The following NR3C2 variants were observed in gnomAD, a reference collection of about 807,000 sequenced individuals.
The protein encoded by NR3C2 is mineralocorticoid receptor.
Under a neutral mutation model 86.4 loss-of-function variants are expected in NR3C2, and 15 were observed. That is an observed-to-expected ratio of 0.17 (90% CI 0.12 to 0.27). The LOEUF is 0.27. Ranked by LOEUF, NR3C2 falls within the 10% of genes least tolerant of loss-of-function variation. NR3C2 has a pLI of 1.00. For synonymous variants in NR3C2, 458 were observed against 450.5 expected (o/e 1.02, Z -0.21); for missense variants, 960 against 1,195.6 (o/e 0.80, Z 2.91).
At chr4:148,444,605 C>CCTG (rs1750500441), upstream of NR3C2, 2 of 988,634 alleles carry the variant, frequency 2.0e-6, no homozygotes, top group Admixed American at 6.1e-5. Context: ...GCCGCCGCCA[C>CCTG]CAGCAAGTCC....
intron 3 of NR3C2, among the ~76,000 whole-genome samples, chr4:148,252,153 A>T (rs1276490735): frequency 7.9e-5 from 12 of 152,252 alleles, no homozygotes; most frequent in Admixed American, 7.9e-4. Flanking sequence ...TAGAATTATC[A>T]AGAGGATTAA....
chr4:148,350,598 C>A (rs561872485), intron 2 of NR3C2, among the ~76,000 whole-genome samples: 3 of 152,094 alleles, frequency 2.0e-5, no homozygotes, highest in Non-Finnish European at 4.4e-5. Context: ...TCCTCAAATC[C>A]ATTTTTACAA....
chr4:148,273,693 G>A (rs1740809379), intron 2 of NR3C2, among the ~76,000 whole-genome samples: 1 of 152,164 alleles, frequency 6.6e-6, no homozygotes, highest in Admixed American at 6.5e-5. Context: ...GGAACACAGG[G>A]CTGAGACAGC....
chr4:148,155,043 T>C (rs2149768138), intron 4 of NR3C2, 142 bp from the exon 5 acceptor site: 1 of 708,740 alleles, frequency 1.4e-6, no homozygotes, highest in Admixed American at 2.4e-5. Context: ...TAAGAGAAAA[T>C]ATATAAAGCT....
intron 2 of NR3C2, among the ~76,000 whole-genome samples, chr4:148,374,164 G>C (rs1258519945): frequency 6.6e-6 from 1 of 152,080 alleles, no homozygotes; most frequent in Admixed American, 6.6e-5. Context: ...TATCATAAAA[G>C]AAAAATGATC....
chr4:148,345,830 T>C (rs1744962219), intron 2 of NR3C2, among the ~76,000 whole-genome samples: 2 of 152,020 alleles, frequency 1.3e-5, no homozygotes. Context: ...ACACTACACA[T>C]ATGGTAGAGC....
At chr4:148,104,394 G>A (rs1190709691) in intron 8 of NR3C2, among the ~76,000 whole-genome samples, 2 of 132,912 alleles carry the variant, frequency 1.5e-5, no homozygotes, top group Non-Finnish European at 3.1e-5. Context: ...CTCCCTTGGT[G>A]TCTTGGAAGA....
At chr4:148,169,641 T>C (rs1224182496) in intron 4 of NR3C2, among the ~76,000 whole-genome samples, 1 of 152,142 alleles carries the variant, frequency 6.6e-6, no homozygotes, top group African/African-American at 2.4e-5. Context: ...TTAATAAAAG[T>C]AATGGGATAT....
At chr4:148,212,706 T>C (rs1737340347) in intron 3 of NR3C2, among the ~76,000 whole-genome samples, 1 of 152,214 alleles carries the variant, frequency 6.6e-6, no homozygotes, top group Non-Finnish European at 1.5e-5. Context: ...AAAAGTACAT[T>C]TCAAATATTT....
At chr4:148,434,882 C>T (rs1478440995) in intron 2 of NR3C2, among the ~76,000 whole-genome samples, 1 of 152,060 alleles carries the variant, frequency 6.6e-6, no homozygotes, top group Non-Finnish European at 1.5e-5. Flanking sequence ...CTACATATGC[C>T]CCTTCAAAAT....
At chr4:148,180,771 A>G (rs373516940) in intron 4 of NR3C2, among the ~76,000 whole-genome samples, 2 of 152,072 alleles carry the variant, frequency 1.3e-5, no homozygotes, top group African/African-American at 4.8e-5. Context: ...GTTGTTATAA[A>G]TTTTCATGGC....
chr4:148,130,787 GTTT>G (rs1220936053), intron 6 of NR3C2, among the ~76,000 whole-genome samples: 1 of 128,468 alleles, frequency 7.8e-6, no homozygotes, highest in African/African-American at 3.1e-5. Context: ...CAATGAACAC[GTTT>G]TTTTTTTTGT....
chr4:148,351,506 AC>A (rs1745274525), intron 2 of NR3C2, among the ~76,000 whole-genome samples: 1 of 152,028 alleles, frequency 6.6e-6, no homozygotes, highest in Non-Finnish European at 1.5e-5. Context: ...ACCATCTATT[AC>A]TTCACCTTTC....
chr4:148,148,035 C>G (rs1471681742), intron 6 of NR3C2, among the ~76,000 whole-genome samples: 1 of 145,678 alleles, frequency 6.9e-6, no homozygotes, highest in East Asian at 2.1e-4. Context: ...CAGGACACCT[C>G]TTTAGCTTCT....
rs1734284346 is a variant in NR3C2 at position 148,154,848 on chromosome 4, G to T, written c.2068C>A (p.Gln690Lys). ...KLKGIHEEQP[Q>K]QQQPPPPPPP... is the part of the protein sequence containing the mutation. ...GGTGGGGGTGGGGGCTGCTGCTGCT[G>T]TGGCTGCTCCTCGTGAATCCCTTTT... Residue 690 changes from glutamine (Q) to lysine (K), a missense_variant, in exon 5 of 9, where the codon CAG becomes AAG. Gln to Lys is a moderately conservative substitution (Grantham distance 53). Transcript: ENST00000358102. 6.3e-7 allele frequency: 1 copy of T among 1,591,352 alleles called. No individual in the cohort carries two copies. The highest frequency in any genetic ancestry group is 1.3e-5 in the African/African-American group (1 of 74,822).
chr4:148,138,486 G>T (rs1396043101), intron 6 of NR3C2, among the ~76,000 whole-genome samples: 1 of 152,026 alleles, frequency 6.6e-6, no homozygotes, highest in African/African-American at 2.4e-5. Flanking sequence ...GGGCTCAGGT[G>T]GATCCTCCTA....
intron 2 of NR3C2, among the ~76,000 whole-genome samples, chr4:148,327,278 T>C (rs1346833613): frequency 6.6e-6 from 1 of 152,212 alleles, no homozygotes; most frequent in Non-Finnish European, 1.5e-5. Context: ...TATGTTCTTA[T>C]TGACAGAAAG....
chr4:148,101,859 C>T (rs1260207464), intron 8 of NR3C2, among the ~76,000 whole-genome samples: 2 of 147,868 alleles, frequency 1.4e-5, no homozygotes, highest in African/African-American at 2.5e-5. Flanking sequence ...TACTAAGGAG[C>T]TTTGCTGGAC....
At position 148,436,265 on chromosome 4, in the gene NR3C2, T is replaced by C; in HGVS notation, c.596A>G (p.Asn199Ser). 7 of 1,614,146 alleles carry C rather than the reference T, an allele frequency of 4.3e-6. No individual in the cohort carries two copies. Among genetic ancestry groups the C allele is most frequent in the Non-Finnish European group, 5.9e-6 (7 of 1,180,004 alleles). The change falls in exon 2 of 9, where the codon AAC (asparagine) becomes AGC (serine). Residue 199 changes from asparagine (N) to serine (S), a missense_variant. Transcript: ENST00000358102. ...EKSPSVCSPL[N>S]MTSSVCSPAG... ...AGGGCTGCAAACCGAAGATGTCATG[T>C]TCAGAGGGCTGCAAACAGACGGGCT...
Sources: gnomAD v4.1 joint callset for allele counts (sites outside exome capture counted in the v4.1 genomes callset) on GRCh38, gnomAD v4.1.1 for gene constraint, MANE v1.5 for transcripts, NCBI Gene and HGNC (gene_info 2026-07-23, HGNC 2026-07-21) for gene names.